NLRP2: variants seen among roughly 807,000 people sequenced by gnomAD.
NLRP2 encodes the protein NACHT, LRR and PYD domains-containing protein 2.
Under a neutral mutation model 97.2 loss-of-function variants are expected in NLRP2, and 107 were observed. That is an observed-to-expected ratio of 1.10 (90% CI 0.94 to 1.29). NLRP2 has a LOEUF of 1.29. NLRP2 is among the 50% of genes most tolerant of loss of function. The pLI is 0.00. For missense variants in NLRP2, 1,495 were observed against 1,330.3 expected, an observed-to-expected ratio of 1.12 and a Z score of -1.93; for synonymous variants, 663 against 551.5, an observed-to-expected ratio of 1.20 and a Z score of -2.83.
In NLRP2 at chr19:54,972,747, C is replaced by T. The variant is rs551085608; in HGVS notation, c.281-1753C>T. Among the ~76,000 whole-genome samples, 3 of 152,252 alleles carry T rather than the reference C, an allele frequency of 2.0e-5. No homozygotes were observed. The South Asian group carries it at 6.2e-4, about 32-fold the overall frequency. The stretch of plus-strand genomic sequence containing the variant: ...GTCCTGGGATCAGAAACATGAGCCA[C>T]AGTGCCTGGCCAGTGCAGCTTTATT... On this transcript the variant is annotated intron_variant, in intron 2 of 12. Transcript: ENST00000448584.
chr19:54,976,056 CTTTTT>C (rs75652002), intron 3 of NLRP2, among the ~76,000 whole-genome samples: 21 of 148,546 alleles, frequency 1.4e-4, no homozygotes, highest in Middle Eastern at 3.5e-3. Flanking sequence ...GCCATGAAGA[CTTTTT>C]TTTTTTGGAC....
chr19:54,990,353 C>G (rs1335947143), intron 9 of NLRP2, 149 bp from the exon 10 acceptor site: 2 of 1,117,734 alleles, frequency 1.8e-6, no homozygotes, highest in Non-Finnish European at 2.7e-6. Flanking sequence ...GTTCTTCTCT[C>G]ATTCCTATTC....
In NLRP2 at chr19:54,970,048, G is replaced by T; in HGVS notation, c.33G>T (p.Leu11=). 1 of 1,613,984 alleles carries T rather than the reference G, an allele frequency of 6.2e-7. No individual in the cohort carries two copies. The highest frequency in any genetic ancestry group is 1.7e-5 in the Admixed American group (1 of 59,966). Residue 11 remains leucine (L), a synonymous_variant, in exon 2 of 13, where the codon CTG becomes CTT. Coordinates refer to ENST00000448584, the MANE Select transcript of NLRP2 (RefSeq NM_017852.5). MVSSAQMGFN[L]QALLEQLSQD... is the part of the protein sequence containing the mutation. ...CTTCGGCGCAGATGGGCTTCAACCT[G>T]CAGGCTCTCCTGGAGCAGCTCAGCC...
chr19:54,970,718 T>G (rs2070789175), intron 2 of NLRP2, among the ~76,000 whole-genome samples: 1 of 148,686 alleles, frequency 6.7e-6, no homozygotes, highest in Non-Finnish European at 1.5e-5. Context: ...ATGCAGGTGC[T>G]GGATCTTCAT....
At position 54,997,305 on chromosome 19, in the gene NLRP2, G is replaced by T. The variant is rs1237045128; in HGVS notation, c.2880-12G>T. ...TGGCTGCATTAACGTGTTGATTTCT[G>T]TGTTTCCCCAGGTTGTGGGGATGTT... On this transcript the variant is annotated splice_polypyrimidine_tract_variant and intron_variant, in intron 11 of 12. Coordinates refer to ENST00000448584, the MANE Select transcript of NLRP2 (RefSeq NM_017852.5). The T allele has an allele frequency of 6.2e-6, 10 of 1,612,952 alleles. No homozygotes were observed. The highest frequency in any genetic ancestry group is 2.7e-5 in the African/African-American group (2 of 74,922).
Position 54,982,424 on chromosome 19 carries a change from G to T in NLRP2, c.726G>T (p.Ala242=). 6.2e-7 allele frequency: 1 copy of T among 1,614,116 alleles called. No individual in the cohort carries two copies. The highest frequency in any genetic ancestry group is 1.1e-5 in the South Asian group (1 of 91,074). The change falls in exon 6 of 13, where the codon GCG becomes GCT. Residue 242 remains alanine (A), a synonymous_variant. Transcript: ENST00000448584. The part of the protein sequence containing the change: ...EDNLIHKFKY[A]FYLSCRELSR... ...ACCTCATCCACAAATTCAAATATGC[G>T]TTCTACCTCAGCTGCAGGGAGCTCA...
chr19:54,996,710 A>G (rs1004273855), intron 11 of NLRP2, among the ~76,000 whole-genome samples: 1 of 151,762 alleles, frequency 6.6e-6, no homozygotes, highest in Admixed American at 6.6e-5. Flanking sequence ...TGTCAGTCAC[A>G]TGTATCTTCA....
chr19:54,984,483 A>ATTTTTTTTTTTTTT (rs1568505832), intron 6 of NLRP2, among the ~76,000 whole-genome samples: 1 of 46,196 alleles, frequency 2.2e-5, no homozygotes, highest in African/African-American at 1.9e-4. Flanking sequence ...TATATTCCCA[A>ATTTTTTTTTTTTTT]TCTTTTTTTT....
chr19:54,996,061 AAC>A (rs1555783360), intron 11 of NLRP2, among the ~76,000 whole-genome samples: 8,858 of 146,312 alleles, frequency 0.061, 604 homozygotes, highest in Admixed American at 0.12. Flanking sequence ...AAACAAAAAA[AAC>A]AAAGGCGCCT....
intron 1 of NLRP2, among the ~76,000 whole-genome samples, chr19:54,967,868 A>C (rs1189891775): frequency 6.6e-6 from 1 of 151,836 alleles, no homozygotes; most frequent in Non-Finnish European, 1.5e-5. Flanking sequence ...CACAGCTATC[A>C]TATAAAGAGG....
chr19:54,976,751 C>T (rs1455512060), intron 3 of NLRP2: 2 of 428,588 alleles, frequency 4.7e-6, no homozygotes, highest in Non-Finnish European at 9.1e-6. Flanking sequence ...ATGGACTCAC[C>T]TCTTCATTAT....
intron 4 of NLRP2, among the ~76,000 whole-genome samples, chr19:54,980,676 CAG>C (rs1484555998): frequency 6.6e-6 from 1 of 152,194 alleles, no homozygotes; most frequent in Non-Finnish European, 1.5e-5. Context: ...ATAATGTCAA[CAG>C]GGGGTTTAAC....
At chr19:54,996,331 T>G (rs2072822190) in intron 11 of NLRP2, among the ~76,000 whole-genome samples, 1 of 151,780 alleles carries the variant, frequency 6.6e-6, no homozygotes, top group African/African-American at 2.4e-5. Flanking sequence ...AAGAGACAGG[T>G]GAAACCCTGT....
chr19:54,997,245 G>A (rs934533991), intron 11 of NLRP2, 72 bp from the exon 12 acceptor site: 6 of 1,498,112 alleles, frequency 4.0e-6, no homozygotes, highest in South Asian at 3.4e-5. Context: ...ACACACGAGG[G>A]TGGGCTTGGC....
intron 8 of NLRP2, among the ~76,000 whole-genome samples, chr19:54,989,196 T>C (rs1374645743): frequency 6.7e-6 from 1 of 150,366 alleles, no homozygotes; most frequent in Admixed American, 6.6e-5. Flanking sequence ...GACCTCCTGA[T>C]CTGCCCACCT....
intron 8 of NLRP2, among the ~76,000 whole-genome samples, chr19:54,988,406 C>T (rs960417096): frequency 6.6e-5 from 10 of 152,024 alleles, no homozygotes; most frequent in East Asian, 5.8e-4. Context: ...GATTCTTCTC[C>T]GTCAACCTCC....
chr19:54,971,315 A>G (rs1274758144), intron 2 of NLRP2, among the ~76,000 whole-genome samples: 1 of 151,050 alleles, frequency 6.6e-6, no homozygotes, highest in Non-Finnish European at 1.5e-5. Flanking sequence ...AGCATGATTT[A>G]TAGTCATTTG....
chr19:54,972,646 A>G (rs1005958487), intron 2 of NLRP2, among the ~76,000 whole-genome samples: 1 of 151,138 alleles, frequency 6.6e-6, no homozygotes, highest in Admixed American at 6.6e-5. Context: ...TTGTAGAGAT[A>G]GGGTTTCACC....
chr19:54,970,094 A>G lies in NLRP2; in HGVS notation c.79A>G (p.Lys27Glu). Residue 27 changes from lysine (K) to glutamate (E), a missense_variant, in exon 2 of 13, where the codon AAG becomes GAG. By Grantham distance (56) the Lys-to-Glu change is moderately conservative. Transcript: ENST00000448584. ...QLSQDELSKF[K>E]YLITTFSLAH... The stretch of plus-strand genomic sequence containing the variant: ...CAGCCAGGATGAGTTGAGCAAGTTC[A>G]AGTATCTGATCACGACCTTCTCCCT... 6.2e-7 allele frequency: 1 copy of G among 1,614,068 alleles called. No homozygotes were observed. Among genetic ancestry groups the G allele is most frequent in the South Asian group, 1.1e-5 (1 of 91,080 alleles).
Sources: gnomAD v4.1 joint callset for allele counts (sites outside exome capture counted in the v4.1 genomes callset) on GRCh38, gnomAD v4.1.1 for gene constraint, MANE v1.5 for transcripts, NCBI Gene and HGNC (gene_info 2026-07-23, HGNC 2026-07-21) for gene names.